Variants in HTR1D observed in about 807,000 individuals in gnomAD.
The protein encoded by HTR1D is 5-HT-1D.
Under a neutral mutation model 21.1 loss-of-function variants are expected in HTR1D, and 18 were observed. The observed-to-expected ratio is 0.85, with a 90% confidence interval of 0.59 to 1.27. The LOEUF is 1.27. Among genes scored for constraint, HTR1D ranks in the 50% most tolerant of loss-of-function variants. HTR1D has a pLI of 0.00. For missense variants in HTR1D, 456 were observed against 481.4 expected (o/e 0.95, Z 0.49); for synonymous variants, 196 against 204.4 (o/e 0.96, Z 0.35).
In HTR1D at chr1:23,193,327, T is replaced by C. The variant is rs1644667990; in HGVS notation, c.893A>G (p.Lys298Arg). The change falls in exon 2 of 2, where the codon AAA becomes AGA. Residue 298 changes from lysine (K) to arginine (R), a missense_variant. Lys to Arg is a conservative substitution (Grantham distance 26). Transcript: ENST00000374619. ...AATGATGCCCAGGATTTTAGTGGCT[T>C]TCCTTTCTCGAGCAGCAGAAATCCT... ...RKRISAARER[K>R]ATKILGIILG... is the part of the protein sequence containing the mutation. The C allele has an allele frequency of 6.2e-7, 1 of 1,614,124 alleles. No homozygotes were observed. Among genetic ancestry groups the C allele is most frequent in the Non-Finnish European group, 8.5e-7 (1 of 1,180,024 alleles).
rs759201175 is a variant in HTR1D at position 23,193,820 on chromosome 1, G to C, written c.400C>G (p.Leu134Val). ...TCTGTGATTGCCCAGTACCTGTCCA[G>C]AGCAATGACACAGAGATGCAGGATG... ...ASILHLCVIA[L>V]DRYWAITDAL... The change falls in exon 2 of 2, where the codon CTG becomes GTG. Residue 134 changes from leucine (L) to valine (V), a missense_variant. Transcript: ENST00000374619. The C allele has an allele frequency of 3.7e-6, 6 of 1,614,208 alleles. No individual in the cohort carries two copies. The South Asian group carries it at 6.6e-5, about 18-fold the overall frequency.
rs754102530 is a variant in HTR1D at position 23,193,465 on chromosome 1, G to A, written c.755C>T (p.Ser252Leu). The change falls in exon 2 of 2, where the codon TCG becomes TTG. Residue 252 changes from serine to leucine, a missense_variant. Ser to Leu is a moderately radical substitution (Grantham distance 145, BLOSUM62 -2). Transcript: ENST00000374619. ...GAGGCTGGAGTTGAGCGAGCAGAGC[G>A]AGGACCCGGCAGAGCCTGTGATGAG... ...AHLITGSAGS[S>L]LCSLNSSLHE... 1.2e-5 allele frequency: 19 copies of A among 1,614,070 alleles called. No individual in the cohort carries two copies. The highest frequency in any genetic ancestry group is 5.0e-5 in the Admixed American group (3 of 60,010).
Position 23,193,227 on chromosome 1 carries a change from G to A in HTR1D, c.993C>T (p.Cys331=), listed in dbSNP as rs1644667056. 6.2e-7 allele frequency: 1 copy of A among 1,614,046 alleles called. No homozygotes were observed. Among genetic ancestry groups the A allele is most frequent in the African/African-American group, 1.3e-5 (1 of 74,922 alleles). Residue 331 remains cysteine (C), a synonymous_variant, in exon 2 of 2, where the codon TGC becomes TGT. Coordinates refer to ENST00000374619, the MANE Select transcript of HTR1D (RefSeq NM_000864.5). The part of the protein sequence containing the change: ...SLVLPICRDS[C]WIHPALFDFF... Reference sequence around the variant, plus strand: ...AGTCAAAGAGCGCCGGGTGGATCCAGCAGGAGTCCCGGCAGATGGGGAGGA... The same window carrying A: ...AGTCAAAGAGCGCCGGGTGGATCCAACAGGAGTCCCGGCAGATGGGGAGGA...
At chr1:23,200,268 G>A (rs1234067925) in intron 1 of HTR1D, among the ~76,000 whole-genome samples, 1 of 152,210 alleles carries the variant, frequency 6.6e-6, no homozygotes, top group Admixed American at 6.5e-5. Context: ...GCAAGATCAT[G>A]TATGTGTTGT....
intron 1 of HTR1D, among the ~76,000 whole-genome samples, chr1:23,201,211 C>T (rs1478983677): frequency 1.3e-5 from 2 of 152,080 alleles, no homozygotes; most frequent in Admixed American, 1.3e-4. Context: ...ATCTGCAGGC[C>T]AAGGGTCCTG....
At chr1:23,215,966 G>T (rs1644772046) in intron 1 of HTR1D, among the ~76,000 whole-genome samples, 1 of 152,204 alleles carries the variant, frequency 6.6e-6, no homozygotes, top group South Asian at 2.1e-4. Context: ...AGTCCAGCTG[G>T]CCTGGTCCCT....
intron 1 of HTR1D, among the ~76,000 whole-genome samples, chr1:23,212,826 C>CTT (rs34716227): frequency 1.4e-5 from 2 of 146,690 alleles, no homozygotes; most frequent in Non-Finnish European, 1.5e-5. Flanking sequence ...CTGAGTGCCT[C>CTT]TTTTTTTTTT....
chr1:23,193,342 G>A lies in HTR1D; in HGVS notation c.878C>T (p.Ala293Val), dbSNP rs775927224. The A allele has an allele frequency of 3.8e-5, 62 of 1,614,198 alleles. No homozygotes were observed. Among genetic ancestry groups the A allele is most frequent in the Non-Finnish European group, 4.2e-5 (49 of 1,180,046 alleles). ...DSALERKRIS[A>V]ARERKATKIL... ...TTTAGTGGCTTTCCTTTCTCGAGCAGCAGAAATCCTCTTGCGTTCCAGGGC... is the reference window on the plus strand; with the variant it reads ...TTTAGTGGCTTTCCTTTCTCGAGCAACAGAAATCCTCTTGCGTTCCAGGGC... The change falls in exon 2 of 2, where the codon GCT becomes GTT. Residue 293 changes from alanine (A) to valine (V), a missense_variant. Ala to Val is a moderately conservative substitution (Grantham distance 64). Transcript: ENST00000374619.
chr1:23,214,079 C>T (rs146637050), intron 1 of HTR1D, among the ~76,000 whole-genome samples: 2 of 152,178 alleles, frequency 1.3e-5, no homozygotes, highest in Admixed American at 1.3e-4. Flanking sequence ...GAAATAACTT[C>T]TCTTGTAAGG....
chr1:23,214,139 GT>G (rs1312869650), intron 1 of HTR1D, among the ~76,000 whole-genome samples: 1 of 152,172 alleles, frequency 6.6e-6, no homozygotes, highest in Non-Finnish European at 1.5e-5. Context: ...TCCATTTAAA[GT>G]TTTTGGCTGG....
rs1557717473 is a variant in HTR1D, at chr1:23,193,353, CT to C, written c.866del (p.Lys289ArgfsTer56). On this transcript the variant is annotated frameshift_variant, in exon 2 of 2. Transcript: ENST00000374619. LOFTEE classifies it high-confidence loss of function. ...IKLADSALERKRISAARERKA... is the reference protein window; with the variant it reads ...IKLADSALERXRISAARERKA... ...TCCTTTCTCGAGCAGCAGAAATCCTCTTGCGTTCCAGGGCACTGTCAGCAAG... is the reference window on the plus strand; with the variant it reads ...TCCTTTCTCGAGCAGCAGAAATCCTCTGCGTTCCAGGGCACTGTCAGCAAG... The C allele has an allele frequency of 6.2e-7, 1 of 1,614,210 alleles. No individual in the cohort carries two copies.
At position 23,193,215 on chromosome 1, in the gene HTR1D, C is replaced by T. The variant is rs535337943; in HGVS notation, c.1005G>A (p.Pro335=). The T allele has an allele frequency of 1.8e-5, 29 of 1,614,010 alleles. No homozygotes were observed. The highest frequency in any genetic ancestry group is 1.6e-4 in the Middle Eastern group (1 of 6,062). ...PICRDSCWIH[P]ALFDFFTWLG... Reference sequence around the variant, plus strand: ...GCCAGGTGAAGAAGTCAAAGAGCGCCGGGTGGATCCAGCAGGAGTCCCGGC... The same window carrying T: ...GCCAGGTGAAGAAGTCAAAGAGCGCTGGGTGGATCCAGCAGGAGTCCCGGC... The change falls in exon 2 of 2, where the codon CCG becomes CCA. Residue 335 remains proline, a synonymous_variant. Transcript: ENST00000374619.
chr1:23,211,609 TTATG>T (rs58459077), intron 1 of HTR1D, among the ~76,000 whole-genome samples: 40,674 of 146,558 alleles, frequency 0.28, 5,872 homozygotes, highest in East Asian at 0.42. Context: ...CAAATCCTTT[TTATG>T]TATGTATGTA....
chr1:23,195,014 A>G lies in HTR1D; in HGVS notation c.-782-13T>C, dbSNP rs1292877661. Among the ~76,000 whole-genome samples the G allele has an allele frequency of 6.6e-6, 1 of 152,226 alleles. No homozygotes were observed. The highest frequency in any genetic ancestry group is 2.4e-5 in the African/African-American group (1 of 41,446). ...ACATTCAGAAGATCTGGGATTTAAA[A>G]AAGAAAAAAAATAGAGTTAGGTTCT... On this transcript the variant is annotated splice_polypyrimidine_tract_variant and intron_variant, in intron 1 of 1. Transcript: ENST00000374619.
At chr1:23,203,418 G>C (rs930588949) in intron 1 of HTR1D, among the ~76,000 whole-genome samples, 9 of 152,198 alleles carry the variant, frequency 5.9e-5, no homozygotes, top group African/African-American at 2.2e-4. Context: ...CCAGTGCTTT[G>C]GGAGGATGAA....
At chr1:23,210,191 CCT>C (rs1644748529) in intron 1 of HTR1D, among the ~76,000 whole-genome samples, 1 of 152,154 alleles carries the variant, frequency 6.6e-6, no homozygotes. Flanking sequence ...GATCCTCCTG[CCT>C]CTGTTTCTTT....
intron 1 of HTR1D, among the ~76,000 whole-genome samples, chr1:23,211,452 A>G (rs1250532311): frequency 1.3e-5 from 2 of 152,132 alleles, no homozygotes; most frequent in African/African-American, 4.8e-5. Context: ...TGAGCGTGGG[A>G]GGACAAATAA....
At chr1:23,213,439 C>A (rs972885238) in intron 1 of HTR1D, among the ~76,000 whole-genome samples, 16 of 152,044 alleles carry the variant, frequency 1.1e-4, no homozygotes, top group Admixed American at 8.5e-4. Flanking sequence ...GAAATCGCAC[C>A]ATTGCACTCC....
chr1:23,211,270 G>C (rs756114221), intron 1 of HTR1D, among the ~76,000 whole-genome samples: 3 of 152,118 alleles, frequency 2.0e-5, no homozygotes, highest in Non-Finnish European at 4.4e-5. Context: ...ATGCAGATGT[G>C]GACTCTCCTC....
Sources: gnomAD v4.1 joint callset for allele counts (sites outside exome capture counted in the v4.1 genomes callset) on GRCh38, gnomAD v4.1.1 for gene constraint, MANE v1.5 for transcripts, NCBI Gene and HGNC (gene_info 2026-07-23, HGNC 2026-07-21) for gene names.